The following DPP6 variants were observed in gnomAD, a reference collection of about 807,000 sequenced individuals.
DPP6 encodes A-type potassium channel modulatory protein DPP6.
DPP6 carries 69 observed loss-of-function variants against 122.6 expected under a neutral mutation model. The ratio of observed to expected loss-of-function variants is 0.56; its 90% CI spans 0.46 to 0.69. The LOEUF is 0.69. Among genes scored for constraint, DPP6 ranks in the 30% least tolerant of loss-of-function variants. The probability of loss-of-function intolerance (pLI) is 0.00; values close to 1 mark genes in which losing one functional copy is unlikely to be tolerated. For synonymous variants in DPP6, 418 were observed against 433.1 expected (o/e 0.97, Z 0.43); for missense variants, 928 against 1,116.9 (o/e 0.83, Z 2.41).
At chr7:153,883,987 C>CT (rs897190237), upstream of DPP6, among the ~76,000 whole-genome samples, 1 of 152,026 alleles carries the variant, frequency 6.6e-6, no homozygotes, top group Admixed American at 6.6e-5. Context: ...TTATTTGTTT[C>CT]TTTTTTTGGG....
At chr7:154,693,445 A>G (rs569514116) in intron 7 of DPP6, among the ~76,000 whole-genome samples, 4 of 152,088 alleles carry the variant, frequency 2.6e-5, no homozygotes, top group African/African-American at 9.7e-5. Context: ...GAGAGCACTG[A>G]TTTTCCAGAA....
At chr7:154,687,137 G>A (rs770510975) in intron 7 of DPP6, among the ~76,000 whole-genome samples, 2 of 152,118 alleles carry the variant, frequency 1.3e-5, no homozygotes, top group Non-Finnish European at 2.9e-5. Context: ...AGTAACATGA[G>A]TGTAGACGCT....
chr7:154,344,752 T>G (rs192220222), intron 1 of DPP6, among the ~76,000 whole-genome samples: 3 of 152,060 alleles, frequency 2.0e-5, no homozygotes, highest in Admixed American at 6.6e-5. Context: ...GCTGGGCGTC[T>G]TGGTGCACAC....
chr7:154,499,249 C>T (rs1223888850), intron 3 of DPP6, among the ~76,000 whole-genome samples: 1 of 152,170 alleles, frequency 6.6e-6, no homozygotes, highest in African/African-American at 2.4e-5. Context: ...TCACTGACCT[C>T]AATGATAAGG....
chr7:154,402,514 C>T (rs534509538), intron 1 of DPP6, among the ~76,000 whole-genome samples: 42 of 149,188 alleles, frequency 2.8e-4, no homozygotes, highest in African/African-American at 8.7e-4. Context: ...AACCAAACAC[C>T]GCATATTCTC....
At chr7:154,528,678 T>C (rs1827603252) in intron 3 of DPP6, among the ~76,000 whole-genome samples, 1 of 152,230 alleles carries the variant, frequency 6.6e-6, no homozygotes, top group Admixed American at 6.5e-5. Flanking sequence ...GACAGAGAGT[T>C]ATTACAAACA....
chr7:154,826,724 A>T lies in DPP6; in HGVS notation c.1666+19612A>T, dbSNP rs148895088. ...CCTTACAAAGTGCTTTCTTCAGGAA[A>T]TGTGGGACCAAAGAGGCCTGCAGCT... is the stretch of plus-strand genomic sequence containing the variant. On this transcript the variant is annotated intron_variant, in intron 16 of 25. Coordinates refer to ENST00000377770, the MANE Select transcript of DPP6 (RefSeq NM_130797.4). Among the ~76,000 whole-genome samples the T allele has an allele frequency of 9.4e-3, 1,434 of 152,342 alleles. 25 individuals carry two copies. Among genetic ancestry groups the T allele is most frequent in the African/African-American group, 0.032 (1,349 of 41,570 alleles).
intron 21 of DPP6, among the ~76,000 whole-genome samples, chr7:154,883,266 T>G (rs1473577617): frequency 7.6e-6 from 1 of 131,646 alleles, no homozygotes; most frequent in African/African-American, 3.2e-5. Context: ...ATACACCTGC[T>G]CTCACACACA....
intron 1 of DPP6, among the ~76,000 whole-genome samples, chr7:154,374,926 A>T: frequency 6.6e-6 from 1 of 152,092 alleles, no homozygotes; most frequent in Non-Finnish European, 1.5e-5. Context: ...TTATAGTTTT[A>T]ATTAATTCTT....
intron 5 of DPP6, chr7:154,587,788 T>TG (rs1832555646): frequency 6.2e-7 from 1 of 1,611,468 alleles, no homozygotes; most frequent in African/African-American, 1.3e-5. Context: ...TCCTCTTCAC[T>TG]GCCTGCGTGA....
chr7:154,279,798 T>C (rs1003788275), intron 1 of DPP6, among the ~76,000 whole-genome samples: 1 of 152,190 alleles, frequency 6.6e-6, no homozygotes, highest in African/African-American at 2.4e-5. Context: ...TCTCTGGCTA[T>C]TTTTTCCTCT....
chr7:154,238,840 A>G (rs1201018473), intron 1 of DPP6, among the ~76,000 whole-genome samples: 3 of 152,266 alleles, frequency 2.0e-5, no homozygotes, highest in African/African-American at 7.2e-5. Context: ...CCCAAGGCCC[A>G]GAGACATTAA....
intron 1 of DPP6, among the ~76,000 whole-genome samples, chr7:154,353,234 G>T (rs1238570035): frequency 1.3e-5 from 2 of 152,204 alleles, no homozygotes; most frequent in African/African-American, 4.8e-5. Flanking sequence ...ACTATTCAGT[G>T]AAACTTTCAA....
intron 1 of DPP6, among the ~76,000 whole-genome samples, chr7:153,926,190 C>G (rs1372302639): frequency 6.6e-6 from 1 of 152,210 alleles, no homozygotes; most frequent in African/African-American, 2.4e-5. Flanking sequence ...TCATCTGTTA[C>G]CTGTCACCGA....
chr7:154,250,262 G>T (rs58229286), intron 1 of DPP6, among the ~76,000 whole-genome samples: 10,446 of 151,986 alleles, frequency 0.069, 1,069 homozygotes, highest in African/African-American at 0.23. Flanking sequence ...TCTTCAACTC[G>T]GTGTCTGAGG....
chr7:154,265,543 T>C (rs1289917963), intron 1 of DPP6, among the ~76,000 whole-genome samples: 1 of 152,226 alleles, frequency 6.6e-6, no homozygotes, highest in Non-Finnish European at 1.5e-5. Context: ...TAGACAATCA[T>C]GTTGTAACTT....
intron 1 of DPP6, among the ~76,000 whole-genome samples, chr7:154,260,462 A>T (rs1490873928): frequency 2.0e-5 from 3 of 151,862 alleles, no homozygotes; most frequent in Admixed American, 2.0e-4. Context: ...TTTCCTCCTG[A>T]GTCCCCAAAG....
chr7:154,414,594 ACTCAGTCATTC>A (rs1357482687), intron 1 of DPP6, among the ~76,000 whole-genome samples: 5 of 152,182 alleles, frequency 3.3e-5, no homozygotes, highest in Middle Eastern at 3.4e-3. Context: ...CCCAAGCCTT[ACTCAGTCATTC>A]CTCAGAGCTG....
At chr7:154,164,280 C>A (rs1268197212) in intron 1 of DPP6, among the ~76,000 whole-genome samples, 1 of 141,580 alleles carries the variant, frequency 7.1e-6, no homozygotes, top group East Asian at 2.4e-4. Context: ...CCCGCTCCTT[C>A]CCTCCTTCCT....
Sources: allele counts gnomAD v4.1 joint callset (sites outside exome capture counted in the v4.1 genomes callset), GRCh38; gene constraint gnomAD v4.1.1; transcripts MANE v1.5; gene names NCBI Gene and HGNC (gene_info 2026-07-23, HGNC 2026-07-21).